ADGRL2: variants seen among roughly 807,000 people sequenced by gnomAD.
ADGRL2 encodes the protein calcium-independent alpha-latrotoxin receptor 2.
Under a neutral mutation model 157.4 loss-of-function variants are expected in ADGRL2, and 44 were observed. That is an observed-to-expected ratio of 0.28 (90% confidence interval 0.22 to 0.36). The LOEUF is 0.36. Among genes scored for constraint, ADGRL2 ranks in the 10% least tolerant of loss-of-function variants. ADGRL2 has a pLI of 1.00. For missense variants in ADGRL2, 1,510 were observed against 1,768.9 expected, an observed-to-expected ratio of 0.85 and a Z score of 2.63; for synonymous variants, 585 against 624.7, an observed-to-expected ratio of 0.94 and a Z score of 0.95.
Position 81,767,505 on chromosome 1 carries a change from C to T in ADGRL2, c.-101+5653C>T, listed in dbSNP as rs78137134. The stretch of plus-strand genomic sequence containing the variant: ...TCCTATAAGGCACAGGATAGCCCCA[C>T]AAACAAAGAATTATCTGGCCTAAAA... On this transcript the variant is annotated intron_variant, in intron 2 of 20. Transcript: ENST00000359929. 7.8e-3 allele frequency among the ~76,000 whole-genome samples: 1,183 copies of T among 152,208 alleles called. 9 individuals carry two copies. The highest frequency in any genetic ancestry group is 0.027 in the African/African-American group (1,131 of 41,512).
At chr1:81,742,169 C>G (rs2085093635) in intron 1 of ADGRL2, among the ~76,000 whole-genome samples, 1 of 151,850 alleles carries the variant, frequency 6.6e-6, no homozygotes, top group Non-Finnish European at 1.5e-5. Context: ...ATTTTTTTCT[C>G]TTTTAAACTG....
chr1:81,717,832 A>G (rs2084167124), intron 1 of ADGRL2, among the ~76,000 whole-genome samples: 1 of 152,248 alleles, frequency 6.6e-6, no homozygotes, highest in South Asian at 2.1e-4. Context: ...TTTCTGTTAT[A>G]GTCATTGACT....
intron 1 of ADGRL2, among the ~76,000 whole-genome samples, chr1:81,397,070 C>A (rs1244448357): frequency 6.6e-6 from 1 of 152,116 alleles, no homozygotes; most frequent in African/African-American, 2.4e-5. Context: ...TCCTTTAAAT[C>A]TTTGGTATAA....
intron 1 of ADGRL2, among the ~76,000 whole-genome samples, chr1:81,739,364 C>T (rs1300370867): frequency 6.6e-6 from 1 of 152,154 alleles, no homozygotes; most frequent in Non-Finnish European, 1.5e-5. Flanking sequence ...TATGCATCTA[C>T]AACAGTACCA....
At chr1:81,466,018 A>G (rs2078044469) in intron 2 of ADGRL2, among the ~76,000 whole-genome samples, 1 of 152,236 alleles carries the variant, frequency 6.6e-6, no homozygotes, top group African/African-American at 2.4e-5. Flanking sequence ...GAAAGGTACT[A>G]TAAATGAGAA....
chr1:81,447,945 G>A (rs1183667858), intron 2 of ADGRL2, among the ~76,000 whole-genome samples: 2 of 151,668 alleles, frequency 1.3e-5, no homozygotes, highest in African/African-American at 4.8e-5. Context: ...AGATCTGGTT[G>A]TTTAAAAGTC....
chr1:81,891,939 CATA>C (rs1420997955), intron 2 of ADGRL2, among the ~76,000 whole-genome samples: 2 of 149,884 alleles, frequency 1.3e-5, no homozygotes, highest in African/African-American at 4.9e-5. Flanking sequence ...CTTTGCAGAA[CATA>C]ATAAGTGTGG....
intron 3 of ADGRL2, among the ~76,000 whole-genome samples, chr1:81,924,169 T>C (rs284221): frequency 0.78 from 118,098 of 151,994 alleles, 46,196 homozygotes; most frequent in East Asian, 0.94. Context: ...CCCTCAAGTA[T>C]ATAACAGGGA....
chr1:81,591,567 C>A (rs1311198420), intron 3 of ADGRL2, among the ~76,000 whole-genome samples: 3 of 152,142 alleles, frequency 2.0e-5, no homozygotes, highest in Non-Finnish European at 4.4e-5. Flanking sequence ...CCCAGTAAGC[C>A]TTGCCTTGTA....
At chr1:81,548,026 T>C (rs931155112) in intron 2 of ADGRL2, among the ~76,000 whole-genome samples, 1 of 152,188 alleles carries the variant, frequency 6.6e-6, no homozygotes, top group African/African-American at 2.4e-5. Flanking sequence ...AAATCAAGTC[T>C]CAGAATGATT....
intron 3 of ADGRL2, among the ~76,000 whole-genome samples, chr1:81,660,733 A>G (rs750124282): frequency 1.5e-4 from 23 of 152,238 alleles, no homozygotes; most frequent in Admixed American, 6.5e-5. Context: ...GAGATTGTTA[A>G]TATTCACATA....
At chr1:81,309,521 A>G (rs1659588105) in intron 1 of ADGRL2, among the ~76,000 whole-genome samples, 2 of 152,110 alleles carry the variant, frequency 1.3e-5, no homozygotes, top group Admixed American at 1.3e-4. Context: ...AGTAGTAGGG[A>G]CATTCCACCC....
At chr1:81,813,358 G>A (rs2149702583) in intron 1 of ADGRL2, among the ~76,000 whole-genome samples, 1 of 151,740 alleles carries the variant, frequency 6.6e-6, no homozygotes, top group South Asian at 2.1e-4. Context: ...GTTTCTTAAT[G>A]AAATTCCTTG....
At chr1:81,764,726 T>G (rs1276996714) in intron 2 of ADGRL2, among the ~76,000 whole-genome samples, 1 of 152,122 alleles carries the variant, frequency 6.6e-6, no homozygotes, top group African/African-American at 2.4e-5. Flanking sequence ...ATCATATACA[T>G]AGGTTTAAAA....
intron 2 of ADGRL2, among the ~76,000 whole-genome samples, chr1:81,777,636 G>A (rs932360847): frequency 3.9e-5 from 6 of 152,110 alleles, no homozygotes; most frequent in Non-Finnish European, 5.9e-5. Flanking sequence ...CATGGCACAT[G>A]CCTGTAGTCC....
chr1:81,549,795 G>A (rs1387297197), intron 2 of ADGRL2, among the ~76,000 whole-genome samples: 1 of 152,152 alleles, frequency 6.6e-6, no homozygotes, highest in Non-Finnish European at 1.5e-5. Context: ...GTTACCCCAA[G>A]TGAGAAGCAA....
At chr1:81,397,909 G>A (rs935990806) in intron 1 of ADGRL2, among the ~76,000 whole-genome samples, 1 of 152,134 alleles carries the variant, frequency 6.6e-6, no homozygotes, top group African/African-American at 2.4e-5. Flanking sequence ...TGCTGAAAGT[G>A]GGATGTTGAA....
chr1:81,662,962 G>T (rs925216163), intron 3 of ADGRL2, among the ~76,000 whole-genome samples: 1 of 152,098 alleles, frequency 6.6e-6, no homozygotes, highest in East Asian at 1.9e-4. Context: ...AGAAAGCCAC[G>T]CACCAGAGAC....
chr1:81,606,890 A>C (rs1391542526), intron 3 of ADGRL2, among the ~76,000 whole-genome samples: 2 of 152,106 alleles, frequency 1.3e-5, no homozygotes, highest in Non-Finnish European at 2.9e-5. Flanking sequence ...GCACAAAGTC[A>C]ACTGTAGTAC....
Sources: allele counts gnomAD v4.1 joint callset (sites outside exome capture counted in the v4.1 genomes callset), GRCh38; gene constraint gnomAD v4.1.1; transcripts MANE v1.5; gene names NCBI Gene and HGNC (gene_info 2026-07-23, HGNC 2026-07-21).